Variants in DGKB observed in about 807,000 individuals in gnomAD.
DGKB encodes the protein 90 kDa diacylglycerol kinase.
A neutral mutation model predicts 114.3 loss-of-function variants in DGKB; 67 were observed. The ratio of observed to expected loss-of-function variants is 0.59; its 90% CI spans 0.48 to 0.72. DGKB has a LOEUF of 0.72. Among genes scored for constraint, DGKB ranks in the 30% least tolerant of loss-of-function variants. The pLI, the probability that DGKB is intolerant of heterozygous loss-of-function variation, is 0.00. For missense variants in DGKB, 907 were observed against 975.2 expected, an observed-to-expected ratio of 0.93 and a Z score of 0.93; for synonymous variants, 398 against 323.1, an observed-to-expected ratio of 1.23 and a Z score of -2.49.
At chr7:14,577,442 C>A (rs1161100628) in intron 19 of DGKB, among the ~76,000 whole-genome samples, 1 of 152,154 alleles carries the variant, frequency 6.6e-6, no homozygotes, top group South Asian at 2.1e-4. Context: ...ACGGTGAAAC[C>A]CTGTCTCTAC....
At chr7:14,807,371 C>A (rs1456006710) in intron 2 of DGKB, among the ~76,000 whole-genome samples, 1 of 151,908 alleles carries the variant, frequency 6.6e-6, no homozygotes, top group Non-Finnish European at 1.5e-5. Flanking sequence ...TGAATAAATA[C>A]ACAAATTTCC....
At chr7:14,955,303 C>A (rs949773339) in intron 1 of DGKB, among the ~76,000 whole-genome samples, 2 of 151,946 alleles carry the variant, frequency 1.3e-5, no homozygotes, top group Admixed American at 1.3e-4. Flanking sequence ...ACAATTCTTG[C>A]CAAAATTAGT....
At chr7:14,754,093 G>A (rs1163824585) in intron 3 of DGKB, 145 bp from the exon 4 acceptor site, 1 of 556,354 alleles carries the variant, frequency 1.8e-6, no homozygotes, top group African/African-American at 1.9e-5. Context: ...CTCAAAAGGT[G>A]GTTCCGAAAC....
At chr7:14,652,964 C>A (rs1167284006) in intron 13 of DGKB, among the ~76,000 whole-genome samples, 4 of 151,754 alleles carry the variant, frequency 2.6e-5, no homozygotes, top group Admixed American at 2.6e-4. Context: ...GATACCATCT[C>A]ACACCAGTTA....
At chr7:14,484,561 C>T (rs1453788482) in intron 20 of DGKB, among the ~76,000 whole-genome samples, 4 of 152,138 alleles carry the variant, frequency 2.6e-5, no homozygotes, top group Non-Finnish European at 4.4e-5. Flanking sequence ...CTTTGCTTTC[C>T]GCCATGATTG....
chr7:14,265,315 A>ATTTTTTTT (rs1178230744), intron 23 of DGKB, among the ~76,000 whole-genome samples: 13 of 40,482 alleles, frequency 3.2e-4, no homozygotes, highest in East Asian at 7.0e-3. Flanking sequence ...TTTCTCTTGC[A>ATTTTTTTT]TTCTTTTTTT....
intron 16 of DGKB, among the ~76,000 whole-genome samples, chr7:14,607,749 T>C (rs1203387770): frequency 6.6e-6 from 1 of 151,970 alleles, no homozygotes; most frequent in East Asian, 1.9e-4. Flanking sequence ...AAGTTAGAAA[T>C]ATTGCTTGGA....
intron 2 of DGKB, among the ~76,000 whole-genome samples, chr7:14,797,891 T>G (rs1413638198): frequency 6.6e-6 from 1 of 152,130 alleles, no homozygotes; most frequent in Non-Finnish European, 1.5e-5. Flanking sequence ...AGTTCTGGGT[T>G]CTTGTCCCAT....
intron 17 of DGKB, among the ~76,000 whole-genome samples, chr7:14,603,615 T>G (rs979840021): frequency 2.0e-5 from 3 of 152,150 alleles, no homozygotes; most frequent in Non-Finnish European, 4.4e-5. Context: ...ATATGCATAT[T>G]TGAAATATGT....
chr7:14,278,051 G>A (rs558355105), intron 23 of DGKB, among the ~76,000 whole-genome samples: 20 of 152,064 alleles, frequency 1.3e-4, no homozygotes, highest in Non-Finnish European at 2.9e-4. Flanking sequence ...TGAATTTGTT[G>A]GTCATTTGTA....
intron 23 of DGKB, among the ~76,000 whole-genome samples, chr7:14,196,012 C>A (rs1376125505): frequency 6.6e-6 from 1 of 152,128 alleles, no homozygotes; most frequent in African/African-American, 2.4e-5. Flanking sequence ...CAGCAACCTT[C>A]ATGTAGAACT....
intron 18 of DGKB, 93 bp from the exon 19 acceptor site, chr7:14,581,044 A>T (rs1346733595): frequency 1.4e-6 from 1 of 735,144 alleles, no homozygotes; most frequent in African/African-American, 1.8e-5. Context: ...TAAATGAAGG[A>T]ATTCCAATAG....
chr7:14,236,992 T>C (rs1009435279), intron 23 of DGKB, among the ~76,000 whole-genome samples: 1 of 151,996 alleles, frequency 6.6e-6, no homozygotes, highest in African/African-American at 2.4e-5. Context: ...TAAATCAATC[T>C]GGCATATTAA....
intron 1 of DGKB, among the ~76,000 whole-genome samples, chr7:14,931,557 G>C (rs930760821): frequency 1.3e-5 from 2 of 152,156 alleles, no homozygotes; most frequent in Non-Finnish European, 2.9e-5. Flanking sequence ...GAAAATGCTT[G>C]GGTGTGAAGT....
intron 23 of DGKB, among the ~76,000 whole-genome samples, chr7:14,202,875 G>A (rs1218447050): frequency 1.3e-5 from 2 of 151,776 alleles, no homozygotes; most frequent in Non-Finnish European, 2.9e-5. Context: ...CCATGCAAGA[G>A]GCACTTATTA....
At chr7:14,363,336 C>T (rs1360710211) in intron 21 of DGKB, among the ~76,000 whole-genome samples, 1 of 152,094 alleles carries the variant, frequency 6.6e-6, no homozygotes, top group Non-Finnish European at 1.5e-5. Flanking sequence ...CCTATAGTCT[C>T]TATCATATTG....
chr7:14,617,399 A>G (rs1806745333), intron 15 of DGKB, among the ~76,000 whole-genome samples: 2 of 151,582 alleles, frequency 1.3e-5, no homozygotes, highest in South Asian at 4.2e-4. Flanking sequence ...TCATCAGCAT[A>G]TCTTTTGCTC....
intron 12 of DGKB, among the ~76,000 whole-genome samples, chr7:14,676,229 T>A (rs1819832446): frequency 6.6e-6 from 1 of 152,128 alleles, no homozygotes; most frequent in Non-Finnish European, 1.5e-5. Flanking sequence ...CAGGTACTGC[T>A]TACAGAACAT....
intron 25 of DGKB, among the ~76,000 whole-genome samples, chr7:14,168,930 C>T (rs1023840782): frequency 1.1e-4 from 17 of 152,020 alleles, no homozygotes; most frequent in African/African-American, 4.1e-4. Flanking sequence ...TCATTGCCTT[C>T]CAGAAAGATT....
Sources: gnomAD v4.1 joint callset for allele counts (sites outside exome capture counted in the v4.1 genomes callset) on GRCh38, gnomAD v4.1.1 for gene constraint, MANE v1.5 for transcripts, NCBI Gene and HGNC (gene_info 2026-07-23, HGNC 2026-07-21) for gene names.